The following TCF7L2 variants were observed in gnomAD, a reference collection of about 807,000 sequenced individuals.
The protein encoded by TCF7L2 is transcription factor 7 like 2, also known as transcription factor 7-like 2.
Under a neutral mutation model 77.9 loss-of-function variants are expected in TCF7L2, and 23 were observed. The observed-to-expected ratio is 0.30, with a 90% CI of 0.21 to 0.42. The LOEUF (loss-of-function observed/expected upper bound fraction) is 0.42. Ranked by LOEUF, TCF7L2 falls within the 10% of genes least tolerant of loss-of-function variation. The pLI is 1.00. For synonymous variants in TCF7L2, 413 were observed against 340.2 expected (o/e 1.21, Z -2.36); for missense variants, 654 against 793.1 (o/e 0.82, Z 2.11).
intron 5 of TCF7L2, among the ~76,000 whole-genome samples, chr10:113,081,365 G>A (rs149311585): frequency 2.0e-5 from 3 of 152,348 alleles, no homozygotes; most frequent in East Asian, 3.9e-4. Flanking sequence ...AAGAATCTCA[G>A]TATAAGCACA....
At chr10:113,146,939 A>G (rs1198371153) in intron 8 of TCF7L2, among the ~76,000 whole-genome samples, 1 of 152,144 alleles carries the variant, frequency 6.6e-6, no homozygotes, top group East Asian at 1.9e-4. Flanking sequence ...ACATTCATAT[A>G]TATTTATATT....
At chr10:112,980,633 T>A (rs935731360) in intron 4 of TCF7L2, among the ~76,000 whole-genome samples, 1 of 152,012 alleles carries the variant, frequency 6.6e-6, no homozygotes, top group South Asian at 2.1e-4. Flanking sequence ...GTTTCTTTTT[T>A]TTTTTTTTGA....
intron 5 of TCF7L2, among the ~76,000 whole-genome samples, chr10:113,107,752 T>TAAAAAAA (rs398014821): frequency 0.047 from 2,614 of 55,148 alleles, 349 homozygotes; most frequent in Non-Finnish European, 0.063. Flanking sequence ...AGACTCCGTC[T>TAAAAAAA]AAAAAAAAAA....
chr10:112,977,159 G>A (rs192533079), intron 4 of TCF7L2, among the ~76,000 whole-genome samples: 6 of 152,086 alleles, frequency 3.9e-5, no homozygotes, highest in African/African-American at 9.6e-5. Flanking sequence ...TCCAAACCTC[G>A]TGCCTCCCAG....
chr10:113,000,423 A>G (rs2044264136), intron 4 of TCF7L2, among the ~76,000 whole-genome samples: 1 of 152,216 alleles, frequency 6.6e-6, no homozygotes, highest in Admixed American at 6.5e-5. Flanking sequence ...ATACAAGTAC[A>G]GTTGTACAAC....
chr10:112,988,829 AG>A (rs2042025415), intron 4 of TCF7L2, among the ~76,000 whole-genome samples: 1 of 152,172 alleles, frequency 6.6e-6, no homozygotes, highest in African/African-American at 2.4e-5. Context: ...GTGTTTTTTG[AG>A]CTCTATCTGC....
intron 13 of TCF7L2, chr10:113,161,513 C>G: frequency 6.6e-7 from 1 of 1,511,316 alleles, no homozygotes; most frequent in Non-Finnish European, 8.9e-7. Context: ...TAGCTCCTGT[C>G]TCATTTCCTT....
intron 5 of TCF7L2, among the ~76,000 whole-genome samples, chr10:113,053,475 T>G (rs915314807): frequency 7.9e-5 from 12 of 152,174 alleles, no homozygotes; most frequent in African/African-American, 2.7e-4. Flanking sequence ...GGGATGAGGC[T>G]TTGGGAGCTT....
At chr10:112,982,149 C>T (rs1301431285) in intron 4 of TCF7L2, among the ~76,000 whole-genome samples, 2 of 152,196 alleles carry the variant, frequency 1.3e-5, no homozygotes, top group Admixed American at 6.5e-5. Flanking sequence ...TATTTTTCCT[C>T]ATTAACTAGT....
rs1188446096 is a variant in TCF7L2 at position 113,015,181 on chromosome 10, G to A, written c.451-24844G>A. On this transcript the variant is annotated intron_variant, in intron 4 of 13. Transcript: ENST00000627217. The stretch of plus-strand genomic sequence containing the variant: ...AGCCTGGGCAACAGAACAAGATTCC[G>A]TTTCAAGAAAGCAGAAACTCTGAAA... 2.0e-5 allele frequency among the ~76,000 whole-genome samples: 3 copies of A among 152,212 alleles called. No individual in the cohort carries two copies. In the South Asian group the frequency reaches 6.2e-4, roughly 32 times the overall value.
intron 5 of TCF7L2, among the ~76,000 whole-genome samples, chr10:113,066,454 T>C (rs1248702603): frequency 6.6e-6 from 1 of 152,162 alleles, no homozygotes; most frequent in Admixed American, 6.5e-5. Context: ...CTACTTACCA[T>C]ATGCATCTGA....
At chr10:113,062,824 A>C (rs1370750145) in intron 5 of TCF7L2, among the ~76,000 whole-genome samples, 1 of 152,108 alleles carries the variant, frequency 6.6e-6, no homozygotes, top group Non-Finnish European at 1.5e-5. Context: ...GTCTTAATAA[A>C]TGACTGGGGG....
intron 4 of TCF7L2, among the ~76,000 whole-genome samples, chr10:113,036,859 T>C (rs1307574850): frequency 6.6e-6 from 1 of 152,138 alleles, no homozygotes; most frequent in Non-Finnish European, 1.5e-5. Flanking sequence ...ACTGTTGTTT[T>C]TGTAGTGGGA....
chr10:113,049,727 A>C (rs938946097), intron 5 of TCF7L2, among the ~76,000 whole-genome samples: 2 of 152,212 alleles, frequency 1.3e-5, no homozygotes, highest in Non-Finnish European at 2.9e-5. Context: ...CTCTGGAAAG[A>C]GTCCCAAAGC....
rs117612795 is a variant in TCF7L2, at chr10:113,067,067, A to G, written c.552+26941A>G. ...GCACATTAACCTTACTGTAAGTGTG[A>G]TGCATTTGAACATACAGTTAAGAAT... On this transcript the variant is annotated intron_variant, in intron 5 of 13. Transcript: ENST00000627217. Among the ~76,000 whole-genome samples the G allele has an allele frequency of 7.9e-5, 12 of 152,386 alleles. 1 individual carries two copies. In the East Asian group the frequency reaches 2.3e-3, roughly 29 times the overall value.
chr10:113,124,903 T>C (rs1240374453), intron 5 of TCF7L2, among the ~76,000 whole-genome samples: 1 of 152,172 alleles, frequency 6.6e-6, no homozygotes, highest in East Asian at 1.9e-4. Context: ...TCTTTCCGAA[T>C]GGCGATTTGG....
At chr10:113,108,654 G>T (rs1259728590) in intron 5 of TCF7L2, among the ~76,000 whole-genome samples, 1 of 152,168 alleles carries the variant, frequency 6.6e-6, no homozygotes, top group South Asian at 2.1e-4. Flanking sequence ...AGCACCGCGG[G>T]GCGCCCCCTG....
intron 12 of TCF7L2, 147 bp from the exon 14 acceptor site, chr10:113,159,772 AG>A: frequency 1.7e-6 from 1 of 596,040 alleles, no homozygotes; most frequent in South Asian, 2.1e-5. Flanking sequence ...ATTAGTAACC[AG>A]GTCATTGATT....
intron 4 of TCF7L2, among the ~76,000 whole-genome samples, chr10:112,983,491 A>T (rs11196179): frequency 0.58 from 87,587 of 150,406 alleles, 26,084 homozygotes; most frequent in Middle Eastern, 0.71. Context: ...ATAAATAAAT[A>T]AATTAATTAA....
Sources: allele counts gnomAD v4.1 joint callset (sites outside exome capture counted in the v4.1 genomes callset), GRCh38; gene constraint gnomAD v4.1.1; transcripts MANE v1.5; gene names NCBI Gene and HGNC (gene_info 2026-07-23, HGNC 2026-07-21).